ZNF207: variants seen among roughly 807,000 people sequenced by gnomAD.
ZNF207 encodes the protein BUB3-interacting and GLEBS motif-containing protein ZNF207.
A neutral mutation model predicts 60.2 loss-of-function variants in ZNF207; 24 were observed. The observed-to-expected ratio is 0.40, with a 90% CI of 0.29 to 0.56. The LOEUF is 0.56. Ranked by LOEUF, ZNF207 falls within the 20% of genes least tolerant of loss-of-function variation. The pLI is 0.49. For synonymous variants in ZNF207, 236 were observed against 194.7 expected (o/e 1.21, Z -1.77); for missense variants, 452 against 636.6 (o/e 0.71, Z 3.12).
chr17:32,364,095 C>T (rs908103983), intron 7 of ZNF207, among the ~76,000 whole-genome samples: 26 of 150,718 alleles, frequency 1.7e-4, no homozygotes, highest in African/African-American at 6.1e-4. Flanking sequence ...TGCCGTGGCA[C>T]GATCATAGCT....
At chr17:32,351,943 G>C in intron 2 of ZNF207, 31 bp downstream of exon 2, 2 of 1,484,530 alleles carry the variant, frequency 1.3e-6, no homozygotes, top group Non-Finnish European at 1.8e-6. Flanking sequence ...TTTATTGTCC[G>C]CTTGTGATTT....
intron 9 of ZNF207, among the ~76,000 whole-genome samples, chr17:32,367,282 T>TATATATATATATATATATATATATATAA (rs1445385221): frequency 1.2e-5 from 1 of 82,854 alleles, no homozygotes; most frequent in Non-Finnish European, 2.2e-5. Context: ...TATATATATA[T>TATATATATATATATATATATATATATAA]ATAAAGAATA....
chr17:32,355,053 T>C (rs1007583992), intron 2 of ZNF207, among the ~76,000 whole-genome samples: 1 of 152,078 alleles, frequency 6.6e-6, no homozygotes, highest in Non-Finnish European at 1.5e-5. Flanking sequence ...AGGTTAGATA[T>C]GGGGTATAAG....
rs1410055151 is a variant in ZNF207, at chr17:32,352,801, T to C, written c.168+889T>C. On this transcript the variant is annotated intron_variant, in intron 2 of 11. Transcript: ENST00000394670. ...GCCTCATATTCCTGGGTTCTAGCCG[T>C]CTTCCTGCCTCGTTCTCCCAAAGCC... Among the ~76,000 whole-genome samples the C allele has an allele frequency of 3.9e-5, 6 of 152,236 alleles. No individual in the cohort carries two copies. The East Asian group carries it at 1.2e-3, about 29-fold the overall frequency.
In ZNF207 at chr17:32,366,734, G is replaced by A; in HGVS notation, c.898G>A (p.Ala300Thr). 1.9e-6 allele frequency: 3 copies of A among 1,610,762 alleles called. No individual in the cohort carries two copies. Among genetic ancestry groups the A allele is most frequent in the Non-Finnish European group, 2.5e-6 (3 of 1,178,828 alleles). Residue 300 changes from alanine to threonine, a missense_variant, in exon 9 of 12, where the codon GCT (alanine) becomes ACT (threonine). Ala to Thr is a moderately conservative substitution (Grantham distance 58). Coordinates refer to ENST00000394670, the MANE Select transcript of ZNF207 (RefSeq NM_001098507.2). ...AGAAAGTCTGTCTGCATCTTCTAAA[G>A]CTCTGTTTCCTAGCACAGCACAAGT... ...NSESLSASSKALFPSTAQAQA... is the reference protein window; with the variant it reads ...NSESLSASSKTLFPSTAQAQA...
intron 9 of ZNF207, among the ~76,000 whole-genome samples, chr17:32,367,064 G>A (rs1416137896): frequency 6.6e-6 from 1 of 151,484 alleles, no homozygotes; most frequent in Non-Finnish European, 1.5e-5. Context: ...CACATTTAAT[G>A]TAAGAAAATT....
At chr17:32,360,243 G>T (rs9906963) in intron 3 of ZNF207, among the ~76,000 whole-genome samples, 1 of 144,964 alleles carries the variant, frequency 6.9e-6, no homozygotes, top group African/African-American at 2.6e-5. Flanking sequence ...CCAGCTACTT[G>T]GGAGACTGTG....
intron 1 of ZNF207, chr17:32,351,545 A>T: frequency 6.5e-7 from 1 of 1,529,082 alleles, no homozygotes. Flanking sequence ...GACAAAGTAT[A>T]TTGCTGATTA....
chr17:32,368,581 C>T (rs1905306828), intron 10 of ZNF207: 1 of 153,784 alleles, frequency 6.5e-6, no homozygotes, highest in Non-Finnish European at 1.4e-5. Flanking sequence ...ATCCCAGCTA[C>T]TCGGGAGGCT....
In ZNF207 at chr17:32,373,782, C is replaced by T; in HGVS notation, c.*4023C>T. The stretch of plus-strand genomic sequence containing the variant: ...GATTGGAGGCAAGAAATGTTTCATT[C>T]AAGTTTTTTACTTTCACTTCTAGGA... On this transcript the variant is annotated 3_prime_UTR_variant, in exon 12 of 12. Transcript: ENST00000394670. 5.1e-6 allele frequency: 1 copy of T among 197,720 alleles called. No individual in the cohort carries two copies. The highest frequency in any genetic ancestry group is 1.1e-4 in the East Asian group (1 of 8,706). The allele number at this position is 197,720 out of a possible 1,614,324, so 12.2% of individuals were successfully genotyped here.
chr17:32,360,555 T>G (rs1302414349), intron 3 of ZNF207, 43 bp from the exon 4 acceptor site: 6 of 1,527,998 alleles, frequency 3.9e-6, no homozygotes, highest in Middle Eastern at 3.5e-4. Flanking sequence ...AAATAAACTT[T>G]CTTAGTTTTT....
At chr17:32,359,407 G>C (rs185952579) in intron 3 of ZNF207, among the ~76,000 whole-genome samples, 3 of 151,410 alleles carry the variant, frequency 2.0e-5, no homozygotes, top group Admixed American at 6.6e-5. Flanking sequence ...CACCACACCT[G>C]GCCTAGTTTT....
chr17:32,367,746 C>A, intron 9 of ZNF207, 26 bp from the exon 10 acceptor site: 1 of 1,608,020 alleles, frequency 6.2e-7, no homozygotes, highest in Non-Finnish European at 8.5e-7. Context: ...TTTGAAGTTT[C>A]GTTGATGAAG....
intron 2 of ZNF207, among the ~76,000 whole-genome samples, chr17:32,353,077 G>A (rs951437634): frequency 6.6e-6 from 1 of 152,174 alleles, no homozygotes; most frequent in Admixed American, 6.5e-5. Flanking sequence ...GGGAGGCTGA[G>A]GCAAGAGAAT....
chr17:32,364,038 C>CTTCTT (rs146833092), intron 7 of ZNF207, among the ~76,000 whole-genome samples: 4 of 145,570 alleles, frequency 2.7e-5, no homozygotes, highest in Non-Finnish European at 6.1e-5. Flanking sequence ...TTCTTTTCTT[C>CTTCTT]TTTTTTTTTT....
Position 32,362,897 on chromosome 17 carries a change from A to C in ZNF207, c.600-17A>C, listed in dbSNP as rs1597781520. 16 of 1,611,962 alleles carry C rather than the reference A, an allele frequency of 9.9e-6. No homozygotes were observed. Among genetic ancestry groups the C allele is most frequent in the Admixed American group, 1.7e-5 (1 of 59,878 alleles). ...TGTTCATTAACTTACTGTTTCTTGA[A>C]ATTTGCTTTCTAATAGAATGATGCC... is the stretch of plus-strand genomic sequence containing the variant. On this transcript the variant is annotated splice_polypyrimidine_tract_variant and intron_variant, in intron 6 of 11. Transcript: ENST00000394670.
At position 32,371,418 on chromosome 17, in the gene ZNF207, G is replaced by A. The variant is rs1905457581; in HGVS notation, c.*1659G>A. ...TGACAGATGAAAGTCATACCTTTAA[G>A]CAAAACATTGCAAGTATTATAAAGC... On this transcript the variant is annotated 3_prime_UTR_variant, in exon 12 of 12. Transcript: ENST00000394670. The A allele has an allele frequency of 6.6e-6, 1 of 152,074 alleles. No homozygotes were observed. Among genetic ancestry groups the A allele is most frequent in the Admixed American group, 6.5e-5 (1 of 15,274 alleles). 9.4% of individuals were successfully genotyped at this position (152,074 alleles called of 1,614,324 possible).
rs142881348 is a variant in ZNF207, at chr17:32,377,565, C to T, written c.*7806C>T. On this transcript the variant is annotated 3_prime_UTR_variant, in exon 12 of 12. Coordinates refer to ENST00000394670, the MANE Select transcript of ZNF207 (RefSeq NM_001098507.2). Reference sequence around the variant, plus strand: ...ATTTTTACAAAAGTTGAATTAAAAACTTTTAAAAATTGCTTGTCTTTGGGG... The same window carrying T: ...ATTTTTACAAAAGTTGAATTAAAAATTTTTAAAAATTGCTTGTCTTTGGGG... The T allele has an allele frequency of 2.5e-3, 380 of 152,020 alleles. 3 individuals are homozygous for T. The highest frequency in any genetic ancestry group is 8.5e-3 in the African/African-American group (353 of 41,510). 9.4% of individuals were successfully genotyped at this position (152,020 alleles called of 1,614,324 possible). A position where few individuals can be genotyped will look rare whatever the true frequency, so the allele number is the denominator to read the frequency against.
At chr17:32,355,208 A>AAT (rs1204640833) in intron 2 of ZNF207, among the ~76,000 whole-genome samples, 2 of 152,158 alleles carry the variant, frequency 1.3e-5, no homozygotes, top group Non-Finnish European at 2.9e-5. Context: ...TAGCCTGGGC[A>AAT]ATATAATGAG....
Sources: gnomAD v4.1 joint callset for allele counts (sites outside exome capture counted in the v4.1 genomes callset) on GRCh38, gnomAD v4.1.1 for gene constraint, MANE v1.5 for transcripts, NCBI Gene and HGNC (gene_info 2026-07-23, HGNC 2026-07-21) for gene names.